Variants in RBM19 observed in about 807,000 individuals in gnomAD.
The protein encoded by RBM19 is RNA binding motif protein 19, also known as probable RNA-binding protein 19.
In RBM19, 94 loss-of-function variants were observed where a neutral mutation model predicts 116.8. That is an observed-to-expected ratio of 0.80 (90% confidence interval 0.68 to 0.95). The LOEUF (loss-of-function observed/expected upper bound fraction) is 0.95, where lower values mean the gene tolerates loss of function less well. RBM19 is among the 40% of genes least tolerant of loss of function. The pLI, the probability that RBM19 is intolerant of heterozygous loss-of-function variation, is 0.00. For missense variants in RBM19, 1,161 were observed against 1,220.7 expected, an observed-to-expected ratio of 0.95 and a Z score of 0.73; for synonymous variants, 475 against 494.1, an observed-to-expected ratio of 0.96 and a Z score of 0.51.
intron 17 of RBM19, among the ~76,000 whole-genome samples, chr12:113,925,500 GACTC>G (rs1318129407): frequency 2.6e-5 from 4 of 152,162 alleles, no homozygotes; most frequent in Non-Finnish European, 5.9e-5. Flanking sequence ...AAGGCTGAAG[GACTC>G]ACTCAGGGTC....
At chr12:113,862,207 AATACATCAT>A (rs1418033180) in intron 21 of RBM19, among the ~76,000 whole-genome samples, 1 of 152,204 alleles carries the variant, frequency 6.6e-6, no homozygotes, top group Non-Finnish European at 1.5e-5. Context: ...CAGTCTTTTA[AATACATCAT>A]ATCCATGCCT....
At chr12:113,826,480 G>A (rs1874864640) in intron 23 of RBM19, among the ~76,000 whole-genome samples, 1 of 152,220 alleles carries the variant, frequency 6.6e-6, no homozygotes, top group Non-Finnish European at 1.5e-5. Flanking sequence ...CAGCAGCTGA[G>A]ACGAGGCCAA....
chr12:113,878,627 T>C (rs1879839584), intron 21 of RBM19, among the ~76,000 whole-genome samples: 1 of 118,440 alleles, frequency 8.4e-6, no homozygotes, highest in Admixed American at 9.2e-5. Flanking sequence ...ACATCCATTC[T>C]CCCTGACACA....
At chr12:113,921,305 G>T (rs762190570) in intron 18 of RBM19, among the ~76,000 whole-genome samples, 1 of 152,152 alleles carries the variant, frequency 6.6e-6, no homozygotes, top group Non-Finnish European at 1.5e-5. Context: ...TAACTGGGGA[G>T]GGAGGAGTGT....
At chr12:113,943,417 C>T (rs4767172) in intron 13 of RBM19, among the ~76,000 whole-genome samples, 41,761 of 151,914 alleles carry the variant, frequency 0.27, 5,979 homozygotes, top group Middle Eastern at 0.41. Flanking sequence ...TGAAATGCAA[C>T]GCGACACATC....
intron 23 of RBM19, among the ~76,000 whole-genome samples, chr12:113,838,669 A>C (rs1876175439): frequency 6.6e-6 from 1 of 152,232 alleles, no homozygotes; most frequent in Admixed American, 6.5e-5. Context: ...CTGGCCGCCA[A>C]GTAAGGCTTG....
intron 6 of RBM19, among the ~76,000 whole-genome samples, chr12:113,956,559 C>T (rs187890277): frequency 7.3e-5 from 9 of 123,244 alleles, no homozygotes; most frequent in East Asian, 2.5e-4. Context: ...CCAGCCTGGG[C>T]GACAGCAAGA....
rs115109730 is a variant in RBM19 at position 113,894,711 on chromosome 12, A to C, written c.2558+20258T>G. Among the ~76,000 whole-genome samples the C allele has an allele frequency of 4.9e-3, 746 of 152,352 alleles. 5 individuals carry two copies. Among genetic ancestry groups the C allele is most frequent in the African/African-American group, 0.017 (697 of 41,578 alleles). On this transcript the variant is annotated intron_variant, in intron 21 of 23. Coordinates refer to ENST00000261741, the MANE Select transcript of RBM19 (RefSeq NM_016196.4). ...CTGCTTACAGAGCTGCATTTTCCTGAAAAGGGAATAATAAGCTACAAATCT... is the reference window on the plus strand; with the variant it reads ...CTGCTTACAGAGCTGCATTTTCCTGCAAAGGGAATAATAAGCTACAAATCT...
intron 23 of RBM19, among the ~76,000 whole-genome samples, chr12:113,836,188 T>C (rs1875869183): frequency 1.3e-5 from 2 of 151,854 alleles, no homozygotes; most frequent in African/African-American, 2.4e-5. Flanking sequence ...GCGCTGGAGA[T>C]GAGAAACCTG....
At chr12:113,946,329 C>T (rs1871015927) in intron 12 of RBM19, 25 bp downstream of exon 12, 1 of 1,613,906 alleles carries the variant, frequency 6.2e-7, no homozygotes. Flanking sequence ...GGTTGGAGCT[C>T]AGTGGTTTCA....
chr12:113,918,454 G>T lies in RBM19; in HGVS notation c.2386-7C>A. 1.9e-6 allele frequency: 3 copies of T among 1,614,112 alleles called. No individual in the cohort carries two copies. Among genetic ancestry groups the T allele is most frequent in the Non-Finnish European group, 2.5e-6 (3 of 1,179,972 alleles). ...GGCCGTCCACGACGTGACCCTAAGA[G>T]AGAAGACAACATGGCTCATCTCTCT... On this transcript the variant is annotated splice_polypyrimidine_tract_variant and splice_region_variant and intron_variant, in intron 19 of 23. Transcript: ENST00000261741.
chr12:113,854,989 C>T (rs1168105421), intron 22 of RBM19, among the ~76,000 whole-genome samples: 1 of 152,238 alleles, frequency 6.6e-6, no homozygotes, highest in Non-Finnish European at 1.5e-5. Flanking sequence ...AGCTCTGCCA[C>T]AACAGCCTTT....
intron 17 of RBM19, among the ~76,000 whole-genome samples, chr12:113,925,825 T>C (rs544646044): frequency 2.0e-4 from 30 of 152,294 alleles, no homozygotes; most frequent in African/African-American, 7.0e-4. Context: ...TCCCGGATAA[T>C]GATGTTCCCA....
chr12:113,879,797 A>G (rs1003609832), intron 21 of RBM19, among the ~76,000 whole-genome samples: 1 of 151,892 alleles, frequency 6.6e-6, no homozygotes, highest in Non-Finnish European at 1.5e-5. Context: ...CCTGGCACAA[A>G]TAGCACCCTC....
chr12:113,864,299 T>C lies in RBM19; in HGVS notation c.2559-5403A>G, dbSNP rs1305038348. On this transcript the variant is annotated intron_variant, in intron 21 of 23. Coordinates refer to ENST00000261741, the MANE Select transcript of RBM19 (RefSeq NM_016196.4). ...AGTATTAACCTTGCCCTCACCTTGA[T>C]TGGGGGCAGCTGCATGGGAAGCCTC... 8.5e-5 allele frequency among the ~76,000 whole-genome samples: 13 copies of C among 152,276 alleles called. No homozygotes were observed. In the Middle Eastern group the frequency reaches 0.01, roughly 120 times the overall value.
At chr12:113,868,566 T>C (rs1879003329) in intron 21 of RBM19, among the ~76,000 whole-genome samples, 1 of 152,208 alleles carries the variant, frequency 6.6e-6, no homozygotes, top group Non-Finnish European at 1.5e-5. Flanking sequence ...GCCTTTAAGA[T>C]GTTAGGTGCA....
At chr12:113,948,482 T>C (rs1394761126) in intron 10 of RBM19, among the ~76,000 whole-genome samples, 1 of 152,194 alleles carries the variant, frequency 6.6e-6, no homozygotes, top group Non-Finnish European at 1.5e-5. Flanking sequence ...CCTGTACAGT[T>C]ACTCAATTCC....
intron 21 of RBM19, among the ~76,000 whole-genome samples, chr12:113,909,028 C>T (rs1293353574): frequency 3.3e-5 from 5 of 152,132 alleles, no homozygotes; most frequent in South Asian, 2.1e-4. Flanking sequence ...GCAATGGTAA[C>T]GGGACTGCAG....
At chr12:113,954,149 G>C (rs1409614752) in intron 7 of RBM19, among the ~76,000 whole-genome samples, 2 of 152,032 alleles carry the variant, frequency 1.3e-5, no homozygotes, top group Non-Finnish European at 2.9e-5. Context: ...CCATGATGAG[G>C]AGGAAAAAGG....
Sources: allele counts gnomAD v4.1 joint callset (sites outside exome capture counted in the v4.1 genomes callset), GRCh38; gene constraint gnomAD v4.1.1; transcripts MANE v1.5; gene names NCBI Gene and HGNC (gene_info 2026-07-23, HGNC 2026-07-21).